CAB39L: variants seen among roughly 807,000 people sequenced by gnomAD.
The protein encoded by CAB39L is calcium binding protein 39 like.
A neutral mutation model predicts 39.1 loss-of-function variants in CAB39L; 23 were observed. That is an observed-to-expected ratio of 0.59 (90% CI 0.42 to 0.83). The LOEUF is 0.83. Among genes scored for constraint, CAB39L ranks in the 40% least tolerant of loss-of-function variants. CAB39L has a pLI of 0.00. For missense variants in CAB39L, 366 were observed against 391.9 expected (o/e 0.93, Z 0.56); for synonymous variants, 126 against 137.2 (o/e 0.92, Z 0.57).
chr13:49,361,573 GAA>G (rs143690699), intron 5 of CAB39L, among the ~76,000 whole-genome samples: 1 of 76,470 alleles, frequency 1.3e-5, no homozygotes, highest in Admixed American at 1.4e-4. Flanking sequence ...AAGAAAGAAA[GAA>G]AGAAAGAAAG....
intron 3 of CAB39L, among the ~76,000 whole-genome samples, chr13:49,429,855 T>G (rs923964948): frequency 2.6e-5 from 4 of 152,248 alleles, no homozygotes; most frequent in African/African-American, 9.6e-5. Context: ...AATTCATATC[T>G]GTATTTCATT....
intron 1 of CAB39L, among the ~76,000 whole-genome samples, chr13:49,434,679 C>T (rs993973901): frequency 1.3e-5 from 2 of 151,946 alleles, no homozygotes; most frequent in African/African-American, 2.4e-5. Context: ...AATATGGTGA[C>T]ACCTTGTCTC....
chr13:49,336,485 T>C (rs889393192), intron 9 of CAB39L, among the ~76,000 whole-genome samples: 2 of 152,206 alleles, frequency 1.3e-5, no homozygotes, highest in African/African-American at 4.8e-5. Flanking sequence ...ACAGGAAAGA[T>C]GCCTCGTGAA....
intron 5 of CAB39L, among the ~76,000 whole-genome samples, chr13:49,362,872 C>T (rs1955672220): frequency 6.6e-6 from 1 of 151,960 alleles, no homozygotes; most frequent in African/African-American, 2.4e-5. Flanking sequence ...AAATAACATA[C>T]AATGGAGCTG....
Position 49,433,454 on chromosome 13 carries a change from T to C in CAB39L, c.-107-61A>G, listed in dbSNP as rs189709206. On this transcript the variant is annotated intron_variant, in intron 2 of 10. Transcript: ENST00000409308. ...AGTCTTTATAGTAAATCCAACATATTTTCTTATTGCTTTCAGGTATACAGA... is the reference window on the plus strand; with the variant it reads ...AGTCTTTATAGTAAATCCAACATATCTTCTTATTGCTTTCAGGTATACAGA... The C allele has an allele frequency of 7.0e-6, 3 of 426,160 alleles. No individual in the cohort carries two copies. The Admixed American group carries it at 8.9e-5, about 13-fold the overall frequency. The allele number at this position is 426,160 out of a possible 1,614,324, so 26.4% of individuals were successfully genotyped here.
At chr13:49,372,648 CA>C (rs1257461637) in intron 5 of CAB39L, among the ~76,000 whole-genome samples, 2 of 152,228 alleles carry the variant, frequency 1.3e-5, no homozygotes, top group East Asian at 3.9e-4. Flanking sequence ...CTTCTTCACT[CA>C]ACTTGTTTTT....
chr13:49,334,424 C>T (rs1444575781), intron 9 of CAB39L, among the ~76,000 whole-genome samples: 1 of 152,116 alleles, frequency 6.6e-6, no homozygotes, highest in Non-Finnish European at 1.5e-5. Flanking sequence ...TCCCTTCCTC[C>T]ATCTTCCCCA....
At chr13:49,421,163 A>G (rs553815510) in intron 3 of CAB39L, among the ~76,000 whole-genome samples, 1 of 152,290 alleles carries the variant, frequency 6.6e-6, no homozygotes, top group African/African-American at 2.4e-5. Flanking sequence ...CCAGCAACCC[A>G]GGAACACCAA....
At chr13:49,338,418 G>A (rs978118687) in intron 9 of CAB39L, among the ~76,000 whole-genome samples, 3 of 148,344 alleles carry the variant, frequency 2.0e-5, no homozygotes, top group African/African-American at 7.5e-5. Flanking sequence ...ACCAAACACC[G>A]CATATTCTCA....
In CAB39L at chr13:49,377,072, G is replaced by C. The variant is rs141795356; in HGVS notation, c.171C>G (p.Asn57Lys). The C allele has an allele frequency of 4.3e-6, 7 of 1,613,384 alleles. No individual in the cohort carries two copies. Among genetic ancestry groups the C allele is most frequent in the South Asian group, 1.1e-5 (1 of 91,048 alleles). The change falls in exon 5 of 11, where the codon AAC (asparagine) becomes AAG (lysine). Residue 57 changes from asparagine to lysine, a missense_variant. Asn to Lys is a moderately conservative substitution (Grantham distance 94). Transcript: ENST00000409308. ...QAMKEILCGT[N>K]EKEPPTEAVA... ...CTGCTTCTGTTGGGGGTTCTTTCTC[G>C]TTTGTACCACACAGAATTTCTTTCA...
At chr13:49,430,647 A>G (rs1368975234) in intron 3 of CAB39L, among the ~76,000 whole-genome samples, 1 of 152,146 alleles carries the variant, frequency 6.6e-6, no homozygotes, top group Non-Finnish European at 1.5e-5. Flanking sequence ...TAGGAAGTTA[A>G]TGATTTTAGT....
chr13:49,396,449 C>T (rs1411330581), intron 3 of CAB39L, among the ~76,000 whole-genome samples: 1 of 152,152 alleles, frequency 6.6e-6, no homozygotes, highest in Admixed American at 6.5e-5. Flanking sequence ...TGGCTCACAC[C>T]TGGAATCCCA....
intron 9 of CAB39L, 122 bp from the exon 10 acceptor site, chr13:49,332,212 TAG>T (rs113858270): frequency 1.1e-5 from 13 of 1,167,772 alleles, no homozygotes; most frequent in African/African-American, 9.2e-5. Flanking sequence ...TGAAAAAAAT[TAG>T]AGTGTCCTTA....
chr13:49,377,808 C>T (rs1456744829), intron 4 of CAB39L, among the ~76,000 whole-genome samples: 46 of 94,370 alleles, frequency 4.9e-4, no homozygotes, highest in South Asian at 3.0e-3. Context: ...TCTGCCCGGC[C>T]GCCACCCCGT....
At chr13:49,370,982 C>T (rs1955900666) in intron 5 of CAB39L, among the ~76,000 whole-genome samples, 1 of 152,070 alleles carries the variant, frequency 6.6e-6, no homozygotes, top group African/African-American at 2.4e-5. Context: ...CAGTGAGGGG[C>T]ACAAAATATA....
At chr13:49,316,010 AACTT>A (rs1362731513) in intron 10 of CAB39L, among the ~76,000 whole-genome samples, 1 of 152,090 alleles carries the variant, frequency 6.6e-6, no homozygotes, top group Non-Finnish European at 1.5e-5. Context: ...GAAAGAATAA[AACTT>A]AGAGCAGAGA....
chr13:49,415,901 A>G (rs1403000562), intron 3 of CAB39L, among the ~76,000 whole-genome samples: 2 of 152,222 alleles, frequency 1.3e-5, no homozygotes, highest in Non-Finnish European at 2.9e-5. Flanking sequence ...GTCTCTAATC[A>G]TAAGGAAAAA....
intron 6 of CAB39L, among the ~76,000 whole-genome samples, chr13:49,355,700 T>C (rs1451794256): frequency 3.3e-5 from 5 of 151,884 alleles, no homozygotes; most frequent in East Asian, 1.9e-4. Context: ...ATAAGACATA[T>C]AGAAAACATT....
chr13:49,418,502 T>C lies in CAB39L; in HGVS notation c.-32+14816A>G, dbSNP rs144864506. The stretch of plus-strand genomic sequence containing the variant: ...GAACATACTAAAAACTACTGACTTG[T>C]ACACTTCAATGGGTGTTCTAGAATT... On this transcript the variant is annotated intron_variant, in intron 3 of 10. Coordinates refer to ENST00000409308, the MANE Select transcript of CAB39L (RefSeq NM_001079670.3). 1.3e-3 allele frequency among the ~76,000 whole-genome samples: 192 copies of C among 152,342 alleles called. 1 individual carries two copies. The highest frequency in any genetic ancestry group is 4.2e-3 in the African/African-American group (176 of 41,574).
Sources: gnomAD v4.1 joint callset for allele counts (sites outside exome capture counted in the v4.1 genomes callset) on GRCh38, gnomAD v4.1.1 for gene constraint, MANE v1.5 for transcripts, NCBI Gene and HGNC (gene_info 2026-07-23, HGNC 2026-07-21) for gene names.